Variants in HNF4G observed in about 807,000 individuals in gnomAD.
The protein encoded by HNF4G is hepatocyte nuclear factor 4 gamma, also known as hepatocyte nuclear factor 4-gamma.
In HNF4G, 21 loss-of-function variants were observed where a neutral mutation model predicts 50.9. That is an observed-to-expected ratio of 0.41 (90% confidence interval 0.29 to 0.59). The LOEUF is 0.59. Among genes scored for constraint, HNF4G ranks in the 20% least tolerant of loss-of-function variants. The pLI is 0.26. For synonymous variants in HNF4G, 198 were observed against 185.6 expected, an observed-to-expected ratio of 1.07 and a Z score of -0.54; for missense variants, 527 against 559.4, an observed-to-expected ratio of 0.94 and a Z score of 0.58.
intron 1 of HNF4G, among the ~76,000 whole-genome samples, chr8:75,416,040 T>A (rs933384019): frequency 6.6e-6 from 1 of 152,258 alleles, no homozygotes; most frequent in African/African-American, 2.4e-5. Flanking sequence ...CTGTGAATTT[T>A]TTTTAGTTGT....
At chr8:75,496,119 G>A (rs767052523) in intron 2 of HNF4G, among the ~76,000 whole-genome samples, 2 of 152,046 alleles carry the variant, frequency 1.3e-5, no homozygotes, top group Non-Finnish European at 2.9e-5. Context: ...TAAAAGTAGT[G>A]TATATTTAAA....
At chr8:75,411,447 C>G (rs1398472492) in intron 1 of HNF4G, among the ~76,000 whole-genome samples, 2 of 152,214 alleles carry the variant, frequency 1.3e-5, no homozygotes, top group African/African-American at 2.4e-5. Context: ...TATTTACCTA[C>G]TCATTATGGG....
Position 75,566,393 on chromosome 8 carries a change from T to A in HNF4G, c.*2297T>A, listed in dbSNP as rs1807463173. 6.6e-6 allele frequency: 1 copy of A among 152,492 alleles called. No homozygotes were observed. The highest frequency in any genetic ancestry group is 1.5e-5 in the Non-Finnish European group (1 of 68,018). The allele number at this position is 152,492 out of a possible 1,614,324, so 9.4% of individuals were successfully genotyped here. A position where few individuals can be genotyped will look rare whatever the true frequency, so the allele number is the denominator to read the frequency against. On this transcript the variant is annotated 3_prime_UTR_variant, in exon 10 of 10. Coordinates refer to ENST00000396423, the MANE Select transcript of HNF4G (RefSeq NM_004133.5). Reference sequence around the variant, plus strand: ...GAACATAGCAAATACCTTTGAAGTATAAAAGATAAAATTCATTTTTAGTGA... The same window carrying A: ...GAACATAGCAAATACCTTTGAAGTAAAAAAGATAAAATTCATTTTTAGTGA...
intron 1 of HNF4G, among the ~76,000 whole-genome samples, chr8:75,453,109 A>G (rs1811625391): frequency 1.3e-5 from 2 of 152,224 alleles, no homozygotes; most frequent in African/African-American, 4.8e-5. Flanking sequence ...ATCTGTAACC[A>G]GACTCCTTGT....
intron 1 of HNF4G, among the ~76,000 whole-genome samples, chr8:75,431,638 G>T (rs1206063225): frequency 6.6e-6 from 1 of 151,994 alleles, no homozygotes; most frequent in Non-Finnish European, 1.5e-5. Context: ...AAAGAATATA[G>T]ATGCTAAGGC....
At chr8:75,554,385 A>G (rs1807054874) in intron 5 of HNF4G, among the ~76,000 whole-genome samples, 1 of 152,202 alleles carries the variant, frequency 6.6e-6, no homozygotes, top group South Asian at 2.1e-4. Context: ...AACAGTTTTA[A>G]TTTGCCAACT....
At chr8:75,460,098 C>T (rs1811810943) in intron 1 of HNF4G, among the ~76,000 whole-genome samples, 1 of 151,548 alleles carries the variant, frequency 6.6e-6, no homozygotes. Context: ...AATCTCTTTG[C>T]AGTACACAAA....
chr8:75,416,369 CT>C (rs781326217), intron 1 of HNF4G, among the ~76,000 whole-genome samples: 2 of 151,850 alleles, frequency 1.3e-5, no homozygotes, highest in East Asian at 1.9e-4. Flanking sequence ...TGGACATTTT[CT>C]TTTTTTTCTT....
chr8:75,520,732 C>G (rs1482382848), intron 2 of HNF4G, among the ~76,000 whole-genome samples: 8 of 152,124 alleles, frequency 5.3e-5, no homozygotes, highest in Admixed American at 5.2e-4. Flanking sequence ...ACCACCACGC[C>G]CAGCCTATGA....
upstream of HNF4G, among the ~76,000 whole-genome samples, chr8:75,535,125 G>A (rs543238013): frequency 2.0e-5 from 3 of 151,834 alleles, no homozygotes; most frequent in East Asian, 5.8e-4. Context: ...GGAAAAAAAT[G>A]TATAAAGCTC....
intron 1 of HNF4G, among the ~76,000 whole-genome samples, chr8:75,414,736 TA>T (rs1297683559): frequency 2.1e-4 from 32 of 152,370 alleles, no homozygotes; most frequent in South Asian, 2.1e-4. Context: ...TTTTTAAAAA[TA>T]TTTTTTGCTA....
At chr8:75,455,992 C>A (rs528014757) in intron 1 of HNF4G, among the ~76,000 whole-genome samples, 1 of 152,196 alleles carries the variant, frequency 6.6e-6, no homozygotes, top group South Asian at 2.1e-4. Context: ...CTAGCTGCAA[C>A]AAGTTATACG....
chr8:75,538,518 C>G (rs1457029188), upstream of HNF4G, among the ~76,000 whole-genome samples: 1 of 152,148 alleles, frequency 6.6e-6, no homozygotes, highest in African/African-American at 2.4e-5. Flanking sequence ...TTTGTGGGCT[C>G]TGCACAATTC....
intron 3 of HNF4G, among the ~76,000 whole-genome samples, chr8:75,549,737 C>T (rs1396609093): frequency 6.6e-6 from 1 of 151,836 alleles, no homozygotes; most frequent in Admixed American, 6.6e-5. Flanking sequence ...TTAGGTATAT[C>T]TCCTAATGCT....
In HNF4G at chr8:75,533,147, T is replaced by C. The variant is rs149121312; in HGVS notation, c.-23-10664T>C. Among the ~76,000 whole-genome samples, 22 of 152,152 alleles carry C rather than the reference T, an allele frequency of 1.4e-4. 1 individual carries two copies. In the East Asian group the frequency reaches 4.0e-3, roughly 28 times the overall value. On this transcript the variant is annotated intron_variant, in intron 2 of 10. Transcript: ENST00000354370. ...TCAAAGTTTATTATTTGCATATGTA[T>C]TTTATTCACACTTTCAGTAAGTATT...
intron 3 of HNF4G, among the ~76,000 whole-genome samples, chr8:75,550,399 G>A (rs542334432): frequency 1.3e-5 from 2 of 151,488 alleles, no homozygotes; most frequent in African/African-American, 2.4e-5. Flanking sequence ...TCTGACCTTC[G>A]CCTCTTGGGT....
At chr8:75,417,365 G>A (rs1021458561) in intron 1 of HNF4G, among the ~76,000 whole-genome samples, 20 of 152,156 alleles carry the variant, frequency 1.3e-4, no homozygotes, top group African/African-American at 4.6e-4. Flanking sequence ...ATATTAAATT[G>A]TTTAATTCTT....
upstream of HNF4G, among the ~76,000 whole-genome samples, chr8:75,535,189 A>G (rs1431871692): frequency 6.6e-6 from 1 of 151,840 alleles, no homozygotes; most frequent in Non-Finnish European, 1.5e-5. Flanking sequence ...TTGTATATAC[A>G]TGGTAGTGAC....
intron 2 of HNF4G, among the ~76,000 whole-genome samples, chr8:75,527,690 T>G (rs917276299): frequency 1.3e-5 from 2 of 152,324 alleles, no homozygotes; most frequent in Non-Finnish European, 2.9e-5. Flanking sequence ...TAATTTTGTT[T>G]AATATTTGCT....
Sources: gnomAD v4.1 joint callset for allele counts (sites outside exome capture counted in the v4.1 genomes callset) on GRCh38, gnomAD v4.1.1 for gene constraint, MANE v1.5 for transcripts, NCBI Gene and HGNC (gene_info 2026-07-23, HGNC 2026-07-21) for gene names.